The following CDH18 variants were observed in gnomAD, a reference collection of about 807,000 sequenced individuals.
CDH18 encodes the protein cadherin-18.
CDH18 carries 31 observed loss-of-function variants against 67.9 expected under a neutral mutation model. The ratio of observed to expected loss-of-function variants is 0.46; its 90% CI spans 0.34 to 0.62. CDH18 has a LOEUF of 0.62. Ranked by LOEUF, CDH18 falls within the 20% of genes least tolerant of loss-of-function variation. The probability of loss-of-function intolerance (pLI) is 0.01; values close to 1 mark genes in which losing one functional copy is unlikely to be tolerated. For synonymous variants in CDH18, 362 were observed against 347.2 expected, an observed-to-expected ratio of 1.04 and a Z score of -0.48; for missense variants, 890 against 975.5, an observed-to-expected ratio of 0.91 and a Z score of 1.17.
At chr5:20,356,381 T>G (rs2150064846) in intron 1 of CDH18, among the ~76,000 whole-genome samples, 1 of 152,018 alleles carries the variant, frequency 6.6e-6, no homozygotes, top group South Asian at 2.1e-4. Flanking sequence ...AGACTCCATC[T>G]CAAACAAACA....
At chr5:20,293,803 A>T (rs913926080) in intron 1 of CDH18, among the ~76,000 whole-genome samples, 1 of 152,214 alleles carries the variant, frequency 6.6e-6, no homozygotes, top group African/African-American at 2.4e-5. Flanking sequence ...CAAATAGTGT[A>T]TTATAAAATA....
intron 2 of CDH18, among the ~76,000 whole-genome samples, chr5:20,121,175 C>G (rs1383887939): frequency 6.6e-6 from 1 of 152,142 alleles, no homozygotes; most frequent in Non-Finnish European, 1.5e-5. Flanking sequence ...CATGTATTTG[C>G]TGAATGTTGT....
intron 1 of CDH18, among the ~76,000 whole-genome samples, chr5:20,479,793 T>A (rs1752671420): frequency 1.3e-5 from 2 of 152,060 alleles, no homozygotes. Flanking sequence ...ATAGGAGGGT[T>A]CCAGAGCACC....
chr5:19,779,535 T>C (rs1774843516), intron 3 of CDH18, among the ~76,000 whole-genome samples: 1 of 152,140 alleles, frequency 6.6e-6, no homozygotes, highest in Non-Finnish European at 1.5e-5. Flanking sequence ...CATGTTTGGA[T>C]GTAGGACTTT....
intron 2 of CDH18, among the ~76,000 whole-genome samples, chr5:19,994,849 T>TAGAGAG (rs1186725188): frequency 0.039 from 1,250 of 32,320 alleles, 146 homozygotes; most frequent in East Asian, 0.057. Context: ...TATATATATA[T>TAGAGAG]ATATATAGAG....
intron 6 of CDH18, among the ~76,000 whole-genome samples, chr5:19,611,446 A>G (rs541599357): frequency 1.3e-5 from 2 of 152,340 alleles, no homozygotes; most frequent in East Asian, 3.9e-4. Flanking sequence ...AGGGCCGTGA[A>G]TAAGGAAAAA....
At position 19,619,158 on chromosome 5, in the gene CDH18, A is replaced by T. The variant is rs75013017; in HGVS notation, c.644-6557T>A. ...TCAGACATTTAACGGATGCATATCC[A>T]TCAGCAGCATAATCCAGAAATCTGT... On this transcript the variant is annotated intron_variant, in intron 5 of 12. Coordinates refer to ENST00000382275, the MANE Select transcript of CDH18 (RefSeq NM_004934.5). Among the ~76,000 whole-genome samples, 1,472 of 152,338 alleles carry T rather than the reference A, an allele frequency of 9.7e-3. 25 individuals are homozygous for T. Among genetic ancestry groups the T allele is most frequent in the African/African-American group, 0.033 (1,391 of 41,586 alleles).
At chr5:20,561,565 A>C (rs1229103964) in intron 1 of CDH18, among the ~76,000 whole-genome samples, 1 of 152,094 alleles carries the variant, frequency 6.6e-6, no homozygotes, top group East Asian at 1.9e-4. Flanking sequence ...TAGTCAAAAA[A>C]AGATCAGTAG....
At chr5:20,318,762 TTTTA>T in intron 1 of CDH18, among the ~76,000 whole-genome samples, 1 of 152,206 alleles carries the variant, frequency 6.6e-6, no homozygotes, top group African/African-American at 2.4e-5. Context: ...TCTTTTCTTT[TTTTA>T]AAAAATTATA....
chr5:20,124,179 C>T (rs1748626465), intron 2 of CDH18, among the ~76,000 whole-genome samples: 1 of 152,078 alleles, frequency 6.6e-6, no homozygotes, highest in Admixed American at 6.6e-5. Context: ...AGAATCCAGT[C>T]ACGAAAAAGA....
chr5:20,371,972 G>C (rs1300964322), intron 1 of CDH18, among the ~76,000 whole-genome samples: 3 of 152,234 alleles, frequency 2.0e-5, no homozygotes, highest in African/African-American at 7.2e-5. Flanking sequence ...CATGTCCCAG[G>C]CATGTTCTCA....
intron 1 of CDH18, among the ~76,000 whole-genome samples, chr5:20,408,674 A>T (rs1027679313): frequency 2.8e-4 from 42 of 151,896 alleles, no homozygotes; most frequent in African/African-American, 9.9e-4. Flanking sequence ...GAGGGGAAAA[A>T]AGTGCCTAAG....
chr5:20,456,186 A>G (rs142717056), intron 1 of CDH18, among the ~76,000 whole-genome samples: 9 of 152,234 alleles, frequency 5.9e-5, no homozygotes, highest in African/African-American at 2.2e-4. Flanking sequence ...TAGACTCACG[A>G]CATGTAAATA....
intron 5 of CDH18, among the ~76,000 whole-genome samples, chr5:19,695,979 G>A (rs1762484129): frequency 6.6e-6 from 1 of 152,110 alleles, no homozygotes; most frequent in African/African-American, 2.4e-5. Context: ...ATCAGCGTAA[G>A]CATAGGGTTT....
chr5:19,510,558 C>A (rs1744950452), intron 10 of CDH18, among the ~76,000 whole-genome samples: 1 of 152,076 alleles, frequency 6.6e-6, no homozygotes, highest in South Asian at 2.1e-4. Context: ...AAAGGAGTAA[C>A]CACATAATCA....
At chr5:20,027,876 C>T (rs943544031) in intron 2 of CDH18, among the ~76,000 whole-genome samples, 2 of 152,126 alleles carry the variant, frequency 1.3e-5, no homozygotes, top group East Asian at 1.9e-4. Context: ...CTTTTTCTCC[C>T]TCTGGGGAAG....
At chr5:19,681,966 T>A (rs1378061366) in intron 5 of CDH18, among the ~76,000 whole-genome samples, 2 of 151,518 alleles carry the variant, frequency 1.3e-5, no homozygotes, top group South Asian at 2.1e-4. Context: ...ACAGAAAGTA[T>A]CTTTGGTCAT....
At chr5:20,572,251 T>A (rs189412015) in intron 1 of CDH18, among the ~76,000 whole-genome samples, 1 of 152,240 alleles carries the variant, frequency 6.6e-6, no homozygotes, top group Non-Finnish European at 1.5e-5. Context: ...ATTCTCTTTT[T>A]AGCTGCCTGC....
chr5:19,979,081 A>G (rs1396526155), intron 2 of CDH18, among the ~76,000 whole-genome samples: 3 of 152,142 alleles, frequency 2.0e-5, no homozygotes, highest in African/African-American at 7.2e-5. Flanking sequence ...TACTTCACTT[A>G]GTTTATCTTA....
Sources: gnomAD v4.1 joint callset for allele counts (sites outside exome capture counted in the v4.1 genomes callset) on GRCh38, gnomAD v4.1.1 for gene constraint, MANE v1.5 for transcripts, NCBI Gene and HGNC (gene_info 2026-07-23, HGNC 2026-07-21) for gene names.